The following FANCI variants were observed in gnomAD, a reference collection of about 807,000 sequenced individuals.
FANCI encodes FA complementation group I.
A neutral mutation model predicts 176.1 loss-of-function variants in FANCI; 156 were observed. The ratio of observed to expected loss-of-function variants is 0.89; its 90% CI spans 0.78 to 1.01. The LOEUF is 1.01. Among genes scored for constraint, FANCI ranks in the 50% least tolerant of loss-of-function variants. The probability of loss-of-function intolerance (pLI) is 0.00; values close to 1 mark genes in which losing one functional copy is unlikely to be tolerated. For missense variants in FANCI, 1,678 were observed against 1,534.1 expected, an observed-to-expected ratio of 1.09 and a Z score of -1.57; for synonymous variants, 613 against 541.7, an observed-to-expected ratio of 1.13 and a Z score of -1.83.
intron 14 of FANCI, among the ~76,000 whole-genome samples, chr15:89,279,388 C>T (rs1298734425): frequency 1.3e-5 from 2 of 152,180 alleles, no homozygotes; most frequent in Non-Finnish European, 2.9e-5. Context: ...GAACTCCTGA[C>T]TTCAGGTGAT....
rs1337012243 is a variant in FANCI, at chr15:89,263,988, C to A, written c.631C>A (p.Pro211Thr). The A allele has an allele frequency of 1.9e-6, 3 of 1,613,936 alleles. No homozygotes were observed. The African/African-American group carries it at 4.0e-5, about 22-fold the overall frequency. The change falls in exon 8 of 38, where the codon CCA becomes ACA. Residue 211 changes from proline (P) to threonine (T), a missense_variant. By Grantham distance (38) the Pro-to-Thr change is conservative (BLOSUM62 -1). Transcript: ENST00000310775. ...CTCCAAGATGAATCTTCAAGAAATA[C>A]CACCTTTGGTCTATCAGCTTCTGGT... is the stretch of plus-strand genomic sequence containing the variant. ...MFSKMNLQEI[P>T]PLVYQLLVLS...
In FANCI at chr15:89,261,629, G is replaced by A. The variant is rs2052715976; in HGVS notation, c.333G>A (p.Glu111=). 3 of 1,614,138 alleles carry A rather than the reference G, an allele frequency of 1.9e-6. No homozygotes were observed. The highest frequency in any genetic ancestry group is 2.5e-6 in the Non-Finnish European group (3 of 1,180,006). Residue 111 remains glutamate, a synonymous_variant, in exon 5 of 38, where the codon GAG becomes GAA. Transcript: ENST00000310775. ...PGPLLVELAN[E]FISAVREGSL... is the part of the protein sequence containing the mutation. ...CATTATTGGTTGAATTAGCCAATGA[G>A]TTTATTAGTGCTGTCAGAGAAGGCA...
At chr15:89,244,866 G>T (rs1263230379) in intron 1 of FANCI, among the ~76,000 whole-genome samples, 2 of 152,184 alleles carry the variant, frequency 1.3e-5, no homozygotes, top group African/African-American at 2.4e-5. Flanking sequence ...TCATGTTAAT[G>T]AATGTAAAGT....
chr15:89,314,668 G>T lies in FANCI; in HGVS notation c.3777G>T (p.Gln1259His). The change falls in exon 36 of 38, where the codon CAG becomes CAT. Residue 1259 changes from glutamine to histidine, a missense_variant. Coordinates refer to ENST00000310775, the MANE Select transcript of FANCI (RefSeq NM_001113378.2). The stretch of plus-strand genomic sequence containing the variant: ...CTAACCTCATCTTTGCCATAGAACA[G>T]TATGAAAAATTTCTCATCCACCTTT... ...PIPNLIFAIEQYEKFLIHLSK... is the reference protein window; with the variant it reads ...PIPNLIFAIEHYEKFLIHLSK... 6.2e-7 allele frequency: 1 copy of T among 1,614,124 alleles called. No homozygotes were observed. The highest frequency in any genetic ancestry group is 8.5e-7 in the Non-Finnish European group (1 of 1,179,972).
chr15:89,252,326 C>T (rs562468057), intron 2 of FANCI, among the ~76,000 whole-genome samples: 11 of 150,880 alleles, frequency 7.3e-5, no homozygotes, highest in African/African-American at 2.2e-4. Flanking sequence ...AAATATAAAA[C>T]GTCTCTCTTT....
intron 3 of FANCI, among the ~76,000 whole-genome samples, chr15:89,259,655 C>G (rs2052634547): frequency 6.6e-6 from 1 of 152,166 alleles, no homozygotes; most frequent in African/African-American, 2.4e-5. Flanking sequence ...TCTCCAAACC[C>G]CTAGTCCATT....
intron 26 of FANCI, among the ~76,000 whole-genome samples, chr15:89,300,893 C>G (rs752990725): frequency 6.6e-6 from 1 of 152,168 alleles, no homozygotes; most frequent in Non-Finnish European, 1.5e-5. Flanking sequence ...ACAAAATATT[C>G]CTATCCTTAT....
chr15:89,271,958 G>A (rs375579585), intron 10 of FANCI, among the ~76,000 whole-genome samples: 66 of 152,204 alleles, frequency 4.3e-4, no homozygotes, highest in African/African-American at 1.6e-3. Flanking sequence ...TATTTCTTTT[G>A]TGCATATATC....
At chr15:89,263,398 T>G in intron 6 of FANCI, 21 bp from the exon 7 acceptor site, 1 of 1,606,054 alleles carries the variant, frequency 6.2e-7, no homozygotes, top group Non-Finnish European at 8.5e-7. Context: ...AGAAATAAAC[T>G]TTGTCATTTT....
At chr15:89,314,771 A>C (rs938388577) in intron 36 of FANCI, 64 bp downstream of exon 36, 18 of 1,205,052 alleles carry the variant, frequency 1.5e-5, no homozygotes, top group Non-Finnish European at 2.0e-5. Context: ...TGGCAAACTG[A>C]AGCAGCACAA....
chr15:89,278,217 A>G (rs1227525272), intron 13 of FANCI, among the ~76,000 whole-genome samples: 3 of 152,214 alleles, frequency 2.0e-5, no homozygotes, highest in Non-Finnish European at 2.9e-5. Flanking sequence ...TTTAACTACA[A>G]TTCAAGTGAA....
At chr15:89,275,930 T>C (rs2053393994) in intron 12 of FANCI, among the ~76,000 whole-genome samples, 1 of 152,222 alleles carries the variant, frequency 6.6e-6, no homozygotes, top group Non-Finnish European at 1.5e-5. Flanking sequence ...CCCCAGTCAG[T>C]TAATGAACCT....
intron 24 of FANCI, among the ~76,000 whole-genome samples, chr15:89,295,715 T>C (rs886367053): frequency 3.3e-5 from 5 of 150,236 alleles, no homozygotes; most frequent in East Asian, 3.9e-4. Flanking sequence ...TTTTTTCTAG[T>C]CTTGCCTTCC....
chr15:89,295,072 C>G lies in FANCI; in HGVS notation c.2614C>G (p.Gln872Glu), dbSNP rs1368909419. The part of the protein sequence containing the change: ...PDGQNPEKIF[Q>E]NLCDITRVLL... Reference sequence around the variant, plus strand: ...TGGCCAAAACCCAGAAAAGATCTTTCAGAACCTCTGTGACATAACTCGGTA... The same window carrying G: ...TGGCCAAAACCCAGAAAAGATCTTTGAGAACCTCTGTGACATAACTCGGTA... Residue 872 changes from glutamine (Q) to glutamate (E), a missense_variant, in exon 24 of 38, where the codon CAG becomes GAG. Transcript: ENST00000310775. 4.5e-6 allele frequency: 7 copies of G among 1,551,732 alleles called. No individual in the cohort carries two copies. In the Admixed American group the frequency reaches 1.4e-4, roughly 30 times the overall value.
rs147100740 is a variant in FANCI, at chr15:89,303,565, C to T, written c.3007-299C>T. On this transcript the variant is annotated intron_variant, in intron 27 of 37. Coordinates refer to ENST00000310775, the MANE Select transcript of FANCI (RefSeq NM_001113378.2). ...TGGGGGCATGGGAAAGAAAAGAGGG[C>T]GCTTTAGCCCTAGACCACTATGGTA... is the stretch of plus-strand genomic sequence containing the variant. Among the ~76,000 whole-genome samples, 422 of 152,258 alleles carry T rather than the reference C, an allele frequency of 2.8e-3. 8 individuals carry two copies. The highest frequency in any genetic ancestry group is 0.015 in the East Asian group (79 of 5,182).
intron 13 of FANCI, among the ~76,000 whole-genome samples, chr15:89,277,967 G>T (rs1474288361): frequency 1.3e-5 from 2 of 152,140 alleles, no homozygotes; most frequent in African/African-American, 4.8e-5. Flanking sequence ...GTTCTTGAGA[G>T]TTATCAGTGT....
chr15:89,263,195 T>C (rs145709595), intron 6 of FANCI, among the ~76,000 whole-genome samples: 1 of 152,380 alleles, frequency 6.6e-6, no homozygotes, highest in East Asian at 1.9e-4. Context: ...AGAGTTTGTT[T>C]TCCACAATCT....
At chr15:89,274,378 T>G in intron 12 of FANCI, 74 bp downstream of exon 12, 1 of 1,552,568 alleles carries the variant, frequency 6.4e-7, no homozygotes, top group Non-Finnish European at 8.8e-7. Flanking sequence ...ATATCATACT[T>G]GCAGCCTGTG....
intron 2 of FANCI, among the ~76,000 whole-genome samples, chr15:89,256,005 T>C (rs2052478548): frequency 6.6e-6 from 1 of 152,212 alleles, no homozygotes; most frequent in Admixed American, 6.5e-5. Context: ...TGCCTGAGGT[T>C]TTATAGCTAG....
Sources: gnomAD v4.1 joint callset for allele counts (sites outside exome capture counted in the v4.1 genomes callset) on GRCh38, gnomAD v4.1.1 for gene constraint, MANE v1.5 for transcripts, NCBI Gene and HGNC (gene_info 2026-07-23, HGNC 2026-07-21) for gene names.